SMARCC1: variants seen among roughly 807,000 people sequenced by gnomAD.
SMARCC1 encodes SWI/SNF related BAF chromatin remodeling complex subunit C1, also known as SWI/SNF complex subunit SMARCC1.
In SMARCC1, 43 loss-of-function variants were observed where a neutral mutation model predicts 147.4. That is an observed-to-expected ratio of 0.29 (90% CI 0.23 to 0.38). The LOEUF (loss-of-function observed/expected upper bound fraction) is 0.38, where lower values mean the gene tolerates loss of function less well. Ranked by LOEUF, SMARCC1 falls within the 10% of genes least tolerant of loss-of-function variation. The pLI is 1.00. For missense variants in SMARCC1, 1,119 were observed against 1,381.1 expected (o/e 0.81, Z 3.01); for synonymous variants, 495 against 484.4 (o/e 1.02, Z -0.29).
intron 24 of SMARCC1, among the ~76,000 whole-genome samples, chr3:47,630,339 GC>G (rs2032870092): frequency 6.6e-6 from 1 of 152,152 alleles, no homozygotes; most frequent in Admixed American, 6.5e-5. Flanking sequence ...CTGAAAGGAG[GC>G]AAAACTCAGG....
intron 2 of SMARCC1, among the ~76,000 whole-genome samples, chr3:47,762,893 T>C (rs1050844140): frequency 3.9e-5 from 6 of 151,956 alleles, no homozygotes; most frequent in Admixed American, 1.3e-4. Flanking sequence ...GGTGAAACCC[T>C]GTCTCTACTA....
chr3:47,738,147 C>A lies in SMARCC1; in HGVS notation c.402-37G>T, dbSNP rs941590482. ...GAAAAACCCTAGTTAATTTGTCTCC[C>A]AGCTTAAACACAAATGAAAACTTGG... On this transcript the variant is annotated intron_variant, in intron 3 of 27. Transcript: ENST00000254480. 9 of 1,385,244 alleles carry A rather than the reference C, an allele frequency of 6.5e-6. No individual in the cohort carries two copies. The South Asian group carries it at 1.1e-4, about 16-fold the overall frequency. The allele number at this position is 1,385,244 out of a possible 1,614,324, so 85.8% of individuals were successfully genotyped here.
At chr3:47,780,027 G>C (rs1034193775) in intron 1 of SMARCC1, among the ~76,000 whole-genome samples, 4 of 152,076 alleles carry the variant, frequency 2.6e-5, no homozygotes, top group Non-Finnish European at 5.9e-5. Flanking sequence ...TAATTTCAGA[G>C]GAGGAAAAGT....
rs1404768636 is a variant in SMARCC1 at position 47,661,444 on chromosome 3, G to A, written c.2170C>T (p.Arg724Trp). 6.2e-6 allele frequency: 10 copies of A among 1,600,464 alleles called. No individual in the cohort carries two copies. Among genetic ancestry groups the A allele is most frequent in the East Asian group, 2.2e-5 (1 of 44,802 alleles). Residue 724 changes from arginine to tryptophan, a missense_variant, in exon 21 of 28, where the codon CGG becomes TGG. By Grantham distance (101) the Arg-to-Trp change is moderately radical (BLOSUM62 -3). Around this residue, in one of 6 missense-constraint regions of SMARCC1, gnomAD observed 178 missense variants for 264.6 expected, o/e 0.67. Coordinates refer to ENST00000254480, the MANE Select transcript of SMARCC1 (RefSeq NM_003074.4). The stretch of plus-strand genomic sequence containing the variant: ...TCCAGTGGTACCTCCTCCCGGACCC[G>A]AGAAAACTCCTCTGGTTCAAGAATA... The part of the protein sequence containing the change: ...AAKAALEEFS[R>W]VREEVPLELV...
At chr3:47,734,540 T>C (rs1199891723) in intron 5 of SMARCC1, among the ~76,000 whole-genome samples, 1 of 152,214 alleles carries the variant, frequency 6.6e-6, no homozygotes, top group East Asian at 1.9e-4. Context: ...TAAGGATCCA[T>C]AAAACTCAGT....
At chr3:47,716,585 T>C (rs971223906) in intron 7 of SMARCC1, among the ~76,000 whole-genome samples, 1 of 152,126 alleles carries the variant, frequency 6.6e-6, no homozygotes, top group South Asian at 2.1e-4. Context: ...ATTCGATACA[T>C]AAGGAAAAAG....
At chr3:47,657,614 C>A (rs918207324) in intron 21 of SMARCC1, among the ~76,000 whole-genome samples, 7 of 152,010 alleles carry the variant, frequency 4.6e-5, no homozygotes, top group African/African-American at 1.7e-4. Context: ...GCCTGGCCAA[C>A]ATAGTGAAAC....
In SMARCC1 at chr3:47,687,838, C is replaced by T. The variant is rs183074483; in HGVS notation, c.1263+1549G>A. Among the ~76,000 whole-genome samples, 13 of 152,300 alleles carry T rather than the reference C, an allele frequency of 8.5e-5. No individual in the cohort carries two copies. In the East Asian group the frequency reaches 1.4e-3, roughly 16 times the overall value. On this transcript the variant is annotated intron_variant, in intron 13 of 27. Transcript: ENST00000254480. ...AGCACAGTGGCAGGATTTTGGCTCA[C>T]GCCAGCATAGTAATTCCTAACCTCA...
intron 6 of SMARCC1, among the ~76,000 whole-genome samples, chr3:47,727,268 G>A (rs1439302732): frequency 2.0e-5 from 3 of 151,952 alleles, no homozygotes; most frequent in South Asian, 2.1e-4. Context: ...CAGCACTTTG[G>A]GAGGCCGAGG....
At chr3:47,665,958 T>G (rs987313625) in intron 19 of SMARCC1, among the ~76,000 whole-genome samples, 1 of 152,128 alleles carries the variant, frequency 6.6e-6, no homozygotes, top group African/African-American at 2.4e-5. Context: ...TCGATTATTA[T>G]AATTACCTTT....
rs1328820771 is a variant in SMARCC1 at position 47,749,670 on chromosome 3, A to AACACACACACAC, written c.316-3689_316-3678dup. Among the ~76,000 whole-genome samples the AACACACACACAC allele has an allele frequency of 1.6e-3, 152 of 92,490 alleles. 2 individuals are homozygous for AACACACACACAC. The highest frequency in any genetic ancestry group is 6.6e-3 in the Middle Eastern group (1 of 152). The allele number at this position is 92,490 out of a possible 152,430, so 60.7% of individuals were successfully genotyped here. ...TGACAAAGTGAGACCCTCTAAATTAAACACACACACACACACACACAAAGT... is the reference window on the plus strand; with the variant it reads ...TGACAAAGTGAGACCCTCTAAATTAAACACACACACACACACACACACACACACACACAAAGT... On this transcript the variant is annotated intron_variant, in intron 2 of 27. Coordinates refer to ENST00000254480, the MANE Select transcript of SMARCC1 (RefSeq NM_003074.4).
chr3:47,654,664 C>T (rs1163229281), intron 21 of SMARCC1, among the ~76,000 whole-genome samples: 7 of 152,166 alleles, frequency 4.6e-5, no homozygotes, highest in African/African-American at 9.7e-5. Flanking sequence ...TGTTCTGTGT[C>T]GCAACATGGC....
intron 10 of SMARCC1, among the ~76,000 whole-genome samples, chr3:47,704,269 GA>G (rs1386640868): frequency 4.6e-5 from 7 of 152,140 alleles, no homozygotes; most frequent in Admixed American, 1.3e-4. Flanking sequence ...GCAGATGAAT[GA>G]AACAAAAGTT....
chr3:47,677,183 T>A (rs534015398), intron 16 of SMARCC1, among the ~76,000 whole-genome samples: 81 of 152,156 alleles, frequency 5.3e-4, no homozygotes, highest in African/African-American at 1.9e-3. Flanking sequence ...TGCAACCTCC[T>A]CCGCATCCTT....
chr3:47,626,526 C>G (rs1403237811), intron 24 of SMARCC1, among the ~76,000 whole-genome samples: 1 of 149,914 alleles, frequency 6.7e-6, no homozygotes, highest in Non-Finnish European at 1.5e-5. Context: ...GAGTAAATGG[C>G]AGAGCTGGAA....
chr3:47,631,175 A>T (rs1469923623), intron 24 of SMARCC1, among the ~76,000 whole-genome samples: 1 of 152,178 alleles, frequency 6.6e-6, no homozygotes, highest in Non-Finnish European at 1.5e-5. Flanking sequence ...GAAGGAAAAG[A>T]ATGAGAAATT....
At chr3:47,760,229 G>T (rs1333621347) in intron 2 of SMARCC1, among the ~76,000 whole-genome samples, 2 of 151,718 alleles carry the variant, frequency 1.3e-5, no homozygotes, top group East Asian at 3.9e-4. Flanking sequence ...CATGAGAATC[G>T]CATGAACCCA....
At chr3:47,778,198 AAAAACAAAAAACAAAAAAC>A (rs1259914510) in intron 1 of SMARCC1, among the ~76,000 whole-genome samples, 1 of 144,734 alleles carries the variant, frequency 6.9e-6, no homozygotes, top group African/African-American at 2.6e-5. Flanking sequence ...CTCAAAAAAA[AAAAACAAAAAACAAAAAAC>A]AAAAAAAACA....
In SMARCC1 at chr3:47,588,036, CA is replaced by C. The variant is rs1164184637; in HGVS notation, c.*172del. 3 of 592,658 alleles carry C rather than the reference CA, an allele frequency of 5.1e-6. No individual in the cohort carries two copies. The highest frequency in any genetic ancestry group is 9.0e-6 in the Non-Finnish European group (3 of 334,184). 36.7% of individuals were successfully genotyped at this position (592,658 alleles called of 1,614,324 possible). A position where few individuals can be genotyped will look rare whatever the true frequency, so the allele number is the denominator to read the frequency against. Reference sequence around the variant, plus strand: ...TTGAGTGTTGGCTGAGGACCCAACACAAAAAGTGTCAGAGAGAGGGGTGGTA... The same window carrying C: ...TTGAGTGTTGGCTGAGGACCCAACACAAAAGTGTCAGAGAGAGGGGTGGTA... On this transcript the variant is annotated 3_prime_UTR_variant, in exon 28 of 28. Coordinates refer to ENST00000254480, the MANE Select transcript of SMARCC1 (RefSeq NM_003074.4).
Sources: allele counts gnomAD v4.1 joint callset (sites outside exome capture counted in the v4.1 genomes callset), GRCh38; gene constraint gnomAD v4.1.1; regional missense constraint gnomAD v4.1.1; transcripts MANE v1.5; gene names NCBI Gene and HGNC (gene_info 2026-07-23, HGNC 2026-07-21).